PRKAG2: variants seen among roughly 807,000 people sequenced by gnomAD.
PRKAG2 encodes the protein 5'-AMP-activated protein kinase subunit gamma-2.
In PRKAG2, 26 loss-of-function variants were observed where a neutral mutation model predicts 69.6. That is an observed-to-expected ratio of 0.37 (90% CI 0.27 to 0.52). The LOEUF (loss-of-function observed/expected upper bound fraction) is 0.52. Ranked by LOEUF, PRKAG2 falls within the 20% of genes least tolerant of loss-of-function variation. PRKAG2 has a pLI of 0.90. For missense variants in PRKAG2, 557 were observed against 740.0 expected, an observed-to-expected ratio of 0.75 and a Z score of 2.87; for synonymous variants, 293 against 285.0, an observed-to-expected ratio of 1.03 and a Z score of -0.28.
At chr7:151,840,284 G>T (rs1395171135) in intron 1 of PRKAG2, among the ~76,000 whole-genome samples, 2 of 152,284 alleles carry the variant, frequency 1.3e-5, no homozygotes, top group Middle Eastern at 3.4e-3. Context: ...CAACTGGCTG[G>T]CTAAGGTGCC....
chr7:151,705,926 T>C (rs1342755856), intron 3 of PRKAG2, among the ~76,000 whole-genome samples: 1 of 151,052 alleles, frequency 6.6e-6, no homozygotes, highest in African/African-American at 2.4e-5. Context: ...GCCCCCCATC[T>C]GTGCACCTGC....
rs1185194396 is a variant in PRKAG2, at chr7:151,614,342, C to T, written c.754+17727G>A. On this transcript the variant is annotated intron_variant, in intron 5 of 15. Coordinates refer to ENST00000287878, the MANE Select transcript of PRKAG2 (RefSeq NM_016203.4). The surrounding 1 kb of genome is among the most constrained non-coding windows in gnomAD (Gnocchi z 4.4). ...GAGCAGCAGCAGGGTGGCAGGGAGG[C>T]CATGGGGTCGGTTACGTTGGGCGCT... 6.6e-6 allele frequency among the ~76,000 whole-genome samples: 1 copy of T among 152,106 alleles called. No homozygotes were observed. The highest frequency in any genetic ancestry group is 2.4e-5 in the African/African-American group (1 of 41,430).
intron 4 of PRKAG2, among the ~76,000 whole-genome samples, chr7:151,649,416 G>A (rs1038851544): frequency 7.9e-5 from 12 of 152,144 alleles, no homozygotes; most frequent in African/African-American, 2.4e-4. Flanking sequence ...GTGAACCACC[G>A]TGCCTGGCCA....
chr7:151,728,289 A>G (rs1274480673), intron 3 of PRKAG2, among the ~76,000 whole-genome samples: 1 of 152,134 alleles, frequency 6.6e-6, no homozygotes, highest in Non-Finnish European at 1.5e-5. Flanking sequence ...TCAATCGCTA[A>G]AAGACAAATT....
At chr7:151,608,519 A>G (rs1818036546) in intron 5 of PRKAG2, among the ~76,000 whole-genome samples, 1 of 152,076 alleles carries the variant, frequency 6.6e-6, no homozygotes, top group Non-Finnish European at 1.5e-5. Context: ...CTTCTCTATA[A>G]TCCAGGCCCC....
intron 1 of PRKAG2, 89 bp downstream of exon 1, chr7:151,876,418 G>A (rs1329364380): frequency 1.5e-6 from 2 of 1,303,026 alleles, no homozygotes; most frequent in Non-Finnish European, 1.1e-6. Flanking sequence ...CGCACGGCGC[G>A]CGCGGGGCGT....
intron 14 of PRKAG2, among the ~76,000 whole-genome samples, chr7:151,560,937 C>T (rs1030558958): frequency 6.6e-6 from 1 of 152,146 alleles, no homozygotes; most frequent in African/African-American, 2.4e-5. Context: ...GCAACACACA[C>T]ACACACATCC....
At chr7:151,672,260 C>A (rs531098472) in intron 4 of PRKAG2, among the ~76,000 whole-genome samples, 29 of 152,180 alleles carry the variant, frequency 1.9e-4, no homozygotes, top group African/African-American at 6.3e-4. Flanking sequence ...TGCCATCACG[C>A]CCGGGTAATT....
rs529229095 is a variant in PRKAG2, at chr7:151,834,070, A to C, written c.114+42437T>G. Among the ~76,000 whole-genome samples, 3 of 152,268 alleles carry C rather than the reference A, an allele frequency of 2.0e-5. No individual in the cohort carries two copies. The South Asian group carries it at 6.2e-4, about 32-fold the overall frequency. ...TACTGCCAGTTTCTGGAGGAAAAAAAAAATAGAAAATGGCAGCAGGTGGAT... is the reference window on the plus strand; with the variant it reads ...TACTGCCAGTTTCTGGAGGAAAAAACAAATAGAAAATGGCAGCAGGTGGAT... On this transcript the variant is annotated intron_variant, in intron 1 of 15. Transcript: ENST00000287878.
Position 151,614,984 on chromosome 7 carries a change from G to A in PRKAG2, c.754+17085C>T, listed in dbSNP as rs182677760. On this transcript the variant is annotated intron_variant, in intron 5 of 15. Transcript: ENST00000287878. This position sits in a 1 kb window ranked among gnomAD's most constrained non-coding sequence, Gnocchi z 4.4. The stretch of plus-strand genomic sequence containing the variant: ...GCCGTATGGATCCAGAGGGAACCTC[G>A]AGAGAGGAGCCGTGTGGATCCAGAG... 6.6e-6 allele frequency among the ~76,000 whole-genome samples: 1 copy of A among 152,094 alleles called. No homozygotes were observed. The highest frequency in any genetic ancestry group is 1.5e-5 in the Non-Finnish European group (1 of 68,032).
chr7:151,705,451 G>T (rs1838425280), intron 3 of PRKAG2, among the ~76,000 whole-genome samples: 1 of 152,120 alleles, frequency 6.6e-6, no homozygotes, highest in Non-Finnish European at 1.5e-5. Context: ...CCGGTATGCC[G>T]AACACGCAGC....
chr7:151,561,703 C>T lies in PRKAG2; in HGVS notation c.1585-1086G>A, dbSNP rs113899118. 2.0e-3 allele frequency among the ~76,000 whole-genome samples: 292 copies of T among 149,106 alleles called. 1 individual carries two copies. The highest frequency in any genetic ancestry group is 6.9e-3 in the African/African-American group (279 of 40,582). On this transcript the variant is annotated intron_variant, in intron 14 of 15. Coordinates refer to ENST00000287878, the MANE Select transcript of PRKAG2 (RefSeq NM_016203.4). ...ATCCCAGCACTTTGGGAGGCCGAGG[C>T]GGGCGGATCACCTGAGGTCAGGAGT...
chr7:151,608,792 ATATTCC>A (rs1818101016), intron 5 of PRKAG2, among the ~76,000 whole-genome samples: 1 of 151,774 alleles, frequency 6.6e-6, no homozygotes, highest in African/African-American at 2.4e-5. Flanking sequence ...GATTACCTTT[ATATTCC>A]TTTATAAGAT....
chr7:151,680,105 C>A (rs1454271737), intron 3 of PRKAG2, among the ~76,000 whole-genome samples: 2 of 152,134 alleles, frequency 1.3e-5, no homozygotes, highest in Non-Finnish European at 2.9e-5. Context: ...AGGCATTGGG[C>A]AAAGGCCCAG....
Position 151,762,533 on chromosome 7 carries a change from G to A in PRKAG2, c.466+18619C>T, listed in dbSNP as rs1447798994. Among the ~76,000 whole-genome samples the A allele has an allele frequency of 2.6e-5, 4 of 152,282 alleles. No individual in the cohort carries two copies. The East Asian group carries it at 5.8e-4, about 22-fold the overall frequency. ...GGGGCTAGGAAGGCTGGCATGGGCA[G>A]GTCAGCTATTCATGGGAGCAAAATA... On this transcript the variant is annotated intron_variant, in intron 3 of 15. Transcript: ENST00000287878.
intron 3 of PRKAG2, among the ~76,000 whole-genome samples, chr7:151,732,573 G>T (rs1030731867): frequency 6.6e-6 from 1 of 152,186 alleles, no homozygotes; most frequent in Non-Finnish European, 1.5e-5. Context: ...TCCAGCTATC[G>T]CAGAGCCAGC....
intron 3 of PRKAG2, among the ~76,000 whole-genome samples, chr7:151,694,297 T>G (rs1836223561): frequency 6.6e-6 from 1 of 152,262 alleles, no homozygotes; most frequent in Non-Finnish European, 1.5e-5. Context: ...CATTTATTTT[T>G]GATTTTGTTA....
intron 5 of PRKAG2, among the ~76,000 whole-genome samples, chr7:151,615,499 A>G (rs1419945740): frequency 6.6e-6 from 1 of 152,228 alleles, no homozygotes; most frequent in East Asian, 1.9e-4. Flanking sequence ...TGGACATACA[A>G]ATGGGCACAG....
In PRKAG2 at chr7:151,807,273, A is replaced by G; in HGVS notation, c.115-20732T>C. ...AAAAAGTGGCCAGTCAGCCACCAGC[A>G]GACCCATGGGATAGGGGAAGAAAAA... On this transcript the variant is annotated intron_variant, in intron 1 of 15. Coordinates refer to ENST00000287878, the MANE Select transcript of PRKAG2 (RefSeq NM_016203.4). This position sits in a 1 kb window ranked among gnomAD's most constrained non-coding sequence, Gnocchi z 4.4. 1 of 389,686 alleles carries G rather than the reference A, an allele frequency of 2.6e-6. No homozygotes were observed. The highest frequency in any genetic ancestry group is 5.2e-6 in the Non-Finnish European group (1 of 192,500). The allele number at this position is 389,686 out of a possible 1,614,324, so 24.1% of individuals were successfully genotyped here.
Sources: gnomAD v4.1 joint callset for allele counts (sites outside exome capture counted in the v4.1 genomes callset) on GRCh38, gnomAD v4.1.1 for gene constraint, Gnocchi (gnomAD v3.1) non-coding constraint, MANE v1.5 for transcripts, NCBI Gene and HGNC (gene_info 2026-07-23, HGNC 2026-07-21) for gene names.